SLC44A1: variants seen among roughly 807,000 people sequenced by gnomAD.
The protein encoded by SLC44A1 is solute carrier family 44 member 1, also known as choline transporter-like protein 1.
A neutral mutation model predicts 79.3 loss-of-function variants in SLC44A1; 26 were observed. That is an observed-to-expected ratio of 0.33 (90% CI 0.24 to 0.46). SLC44A1 has a LOEUF of 0.46. SLC44A1 is among the 20% of genes least tolerant of loss of function. SLC44A1 has a pLI of 1.00. For synonymous variants in SLC44A1, 263 were observed against 286.2 expected (o/e 0.92, Z 0.82); for missense variants, 688 against 798.1 (o/e 0.86, Z 1.66).
rs72607140 is a variant in SLC44A1, at chr9:105,328,283, G to A, written c.270-7280G>A. 9.6e-4 allele frequency among the ~76,000 whole-genome samples: 146 copies of A among 152,296 alleles called. 3 individuals carry two copies. In the East Asian group the frequency reaches 0.025, roughly 26 times the overall value. On this transcript the variant is annotated intron_variant, in intron 3 of 15. Transcript: ENST00000374720. ...TAAAATACACAGTGTGTGAACGAGT[G>A]TAAGTCTGAGGAGAAACAAAGCAGG...
At chr9:105,321,942 G>A (rs1826406918) in intron 3 of SLC44A1, among the ~76,000 whole-genome samples, 1 of 152,136 alleles carries the variant, frequency 6.6e-6, no homozygotes. Context: ...AGTAGGATGT[G>A]CATTGAACTT....
chr9:105,393,845 C>G lies in SLC44A1; in HGVS notation c.*4789C>G, dbSNP rs1339908879. 2 of 984,554 alleles carry G rather than the reference C, an allele frequency of 2.0e-6. No homozygotes were observed. The highest frequency in any genetic ancestry group is 3.5e-5 in the African/African-American group (2 of 57,164). 61.0% of individuals were successfully genotyped at this position (984,554 alleles called of 1,614,324 possible). On this transcript the variant is annotated 3_prime_UTR_variant, in exon 16 of 16. Transcript: ENST00000374720. ...AGTTTTACAACTTAAATGATTTTCT[C>G]CAGGACACGGAGCTCAGAATAATAA... is the stretch of plus-strand genomic sequence containing the variant.
chr9:105,308,405 GA>G (rs1831087767), intron 2 of SLC44A1, among the ~76,000 whole-genome samples: 1 of 152,194 alleles, frequency 6.6e-6, no homozygotes, highest in Non-Finnish European at 1.5e-5. Context: ...AATTGAGACA[GA>G]AAGTTGAAGC....
rs1489374908 is a variant in SLC44A1, at chr9:105,392,397, CT to C, written c.*3342del. 5.7e-6 allele frequency: 5 copies of C among 874,590 alleles called. No individual in the cohort carries two copies. The highest frequency in any genetic ancestry group is 1.6e-4 in the East Asian group (1 of 6,262). The allele number at this position is 874,590 out of a possible 1,614,324, so 54.2% of individuals were successfully genotyped here. ...TCTTTTGTAGAGATGCTCTCTCTCT[CT>C]CTCTCTTTTTTTTTTTTTTTTTTTT... On this transcript the variant is annotated 3_prime_UTR_variant, in exon 16 of 16. Transcript: ENST00000374720.
intron 15 of SLC44A1, among the ~76,000 whole-genome samples, chr9:105,411,593 T>C (rs914706866): frequency 6.6e-6 from 1 of 151,948 alleles, no homozygotes; most frequent in Non-Finnish European, 1.5e-5. Flanking sequence ...GGATCACACA[T>C]TGCATTTCAT....
intron 15 of SLC44A1, among the ~76,000 whole-genome samples, chr9:105,436,551 G>A (rs563705683): frequency 2.0e-5 from 3 of 152,018 alleles, no homozygotes; most frequent in African/African-American, 2.4e-5. Flanking sequence ...ACTGCACTCC[G>A]TTCGGGGTGA....
At chr9:105,437,858 ATTCAGTTCAACTG>A (rs1165509955) in intron 15 of SLC44A1, among the ~76,000 whole-genome samples, 1 of 152,198 alleles carries the variant, frequency 6.6e-6, no homozygotes, top group Non-Finnish European at 1.5e-5. Context: ...GGTTTGTTTG[ATTCAGTTCAACTG>A]TTCTAAAAAC....
chr9:105,377,600 CA>C (rs879369228), intron 13 of SLC44A1, among the ~76,000 whole-genome samples: 246 of 134,380 alleles, frequency 1.8e-3, no homozygotes, highest in Non-Finnish European at 1.7e-3. Flanking sequence ...CTAAAAAATA[CA>C]AAAAAAAAAA....
At chr9:105,399,255 A>G (rs1175633943), downstream of SLC44A1, among the ~76,000 whole-genome samples, 4 of 152,364 alleles carry the variant, frequency 2.6e-5, no homozygotes, top group South Asian at 4.1e-4. Context: ...CAATTTCAAT[A>G]GAAAACTTAA....
chr9:105,362,525 G>T (rs529007430), intron 8 of SLC44A1, among the ~76,000 whole-genome samples: 1 of 152,148 alleles, frequency 6.6e-6, no homozygotes, highest in South Asian at 2.1e-4. Context: ...GTCTCATCCT[G>T]ACTGACAGTA....
intron 4 of SLC44A1, among the ~76,000 whole-genome samples, chr9:105,345,906 T>G (rs960521156): frequency 1.3e-5 from 2 of 152,038 alleles, no homozygotes; most frequent in African/African-American, 4.8e-5. Context: ...ATGTATAACT[T>G]TTACCTGCTT....
intron 15 of SLC44A1, among the ~76,000 whole-genome samples, chr9:105,413,712 G>A (rs182132933): frequency 1.3e-5 from 2 of 152,328 alleles, no homozygotes; most frequent in East Asian, 3.9e-4. Flanking sequence ...ACTATGCTAA[G>A]TCCTAGGAGG....
chr9:105,317,850 T>G (rs1831368490), intron 3 of SLC44A1, among the ~76,000 whole-genome samples: 1 of 152,190 alleles, frequency 6.6e-6, no homozygotes, highest in Admixed American at 6.5e-5. Flanking sequence ...GTTGTCAAGG[T>G]ATTCCTCAGA....
intron 3 of SLC44A1, 75 bp from the exon 4 acceptor site, chr9:105,335,488 A>T (rs1826884481): frequency 9.0e-7 from 1 of 1,116,334 alleles, no homozygotes; most frequent in Non-Finnish European, 1.3e-6. Flanking sequence ...TCTTTGCTCT[A>T]GGCTTAGTCA....
intron 13 of SLC44A1, among the ~76,000 whole-genome samples, chr9:105,377,390 C>G (rs1468162573): frequency 6.6e-6 from 1 of 152,036 alleles, no homozygotes; most frequent in African/African-American, 2.4e-5. Context: ...ATTCCAAACC[C>G]CTACCCCACT....
In SLC44A1 at chr9:105,258,343, A is replaced by G. The variant is rs180977782; in HGVS notation, c.36+13439A>G. 1.1e-3 allele frequency among the ~76,000 whole-genome samples: 163 copies of G among 152,362 alleles called. 1 individual carries two copies. The highest frequency in any genetic ancestry group is 3.8e-3 in the African/African-American group (159 of 41,580). On this transcript the variant is annotated intron_variant, in intron 1 of 15. Coordinates refer to ENST00000374720, the MANE Select transcript of SLC44A1 (RefSeq NM_080546.5). ...TCAGAAAATGCTTTAAGTCATGAGC[A>G]TATAGAATATAGAGAACACCAGTCA... is the stretch of plus-strand genomic sequence containing the variant.
chr9:105,393,477 C>A lies in SLC44A1; in HGVS notation c.*4421C>A, dbSNP rs1341200706. On this transcript the variant is annotated 3_prime_UTR_variant, in exon 16 of 16. Coordinates refer to ENST00000374720, the MANE Select transcript of SLC44A1 (RefSeq NM_080546.5). Reference sequence around the variant, plus strand: ...CCATTCAGATTTCATACATTTGAGCCAAATTCTTATACTCCATGTTTTAAT... The same window carrying A: ...CCATTCAGATTTCATACATTTGAGCAAAATTCTTATACTCCATGTTTTAAT... 6 of 963,870 alleles carry A rather than the reference C, an allele frequency of 6.2e-6. No individual in the cohort carries two copies. The highest frequency in any genetic ancestry group is 7.4e-6 in the Non-Finnish European group (6 of 810,502). 59.7% of individuals were successfully genotyped at this position (963,870 alleles called of 1,614,324 possible).
At chr9:105,381,275 C>G (rs1277807918) in intron 13 of SLC44A1, among the ~76,000 whole-genome samples, 1 of 151,984 alleles carries the variant, frequency 6.6e-6, no homozygotes, top group Non-Finnish European at 1.5e-5. Context: ...CGCGGTGGCT[C>G]ACACCTGTAA....
chr9:105,311,701 C>T (rs1246580107), intron 3 of SLC44A1, among the ~76,000 whole-genome samples: 2 of 152,142 alleles, frequency 1.3e-5, no homozygotes, highest in Non-Finnish European at 2.9e-5. Flanking sequence ...AATTCATGTA[C>T]GCATGTTTAA....
Sources: allele counts gnomAD v4.1 joint callset (sites outside exome capture counted in the v4.1 genomes callset), GRCh38; gene constraint gnomAD v4.1.1; transcripts MANE v1.5; gene names NCBI Gene and HGNC (gene_info 2026-07-23, HGNC 2026-07-21).